BCR: variants seen among roughly 807,000 people sequenced by gnomAD.
BCR encodes breakpoint cluster region protein.
Under a neutral mutation model 138.6 loss-of-function variants are expected in BCR, and 58 were observed. The observed-to-expected ratio is 0.42, with a 90% CI of 0.34 to 0.52. The LOEUF is 0.52. Among genes scored for constraint, BCR ranks in the 20% least tolerant of loss-of-function variants. The pLI, the probability that BCR is intolerant of heterozygous loss-of-function variation, is 0.06. For synonymous variants in BCR, 786 were observed against 730.1 expected (o/e 1.08, Z -1.23); for missense variants, 1,599 against 1,727.2 (o/e 0.93, Z 1.32).
At chr22:23,290,028 C>T (rs886413716) in intron 13 of BCR, 17 of 521,558 alleles carry the variant, frequency 3.3e-5, no homozygotes, top group Middle Eastern at 5.3e-4. Context: ...ACACAGCATA[C>T]GCTATGCACA....
intron 14 of BCR, among the ~76,000 whole-genome samples, chr22:23,291,517 G>T (rs1229798292): frequency 6.6e-6 from 1 of 151,852 alleles, no homozygotes; most frequent in East Asian, 1.9e-4. Flanking sequence ...TTTCCCTCGT[G>T]GGCCTCCCTG....
intron 1 of BCR, among the ~76,000 whole-genome samples, chr22:23,195,186 C>T (rs1008545124): frequency 4.0e-5 from 6 of 151,778 alleles, no homozygotes; most frequent in African/African-American, 1.5e-4. Flanking sequence ...TTTGGGAGGC[C>T]GAGGCAGGCG....
chr22:23,261,324 C>A, intron 3 of BCR, 31 bp from the exon 4 acceptor site: 16 of 1,598,800 alleles, frequency 1.0e-5, no homozygotes, highest in Non-Finnish European at 1.4e-5. Context: ...GCCCCTCTCA[C>A]CTGTGCTACC....
chr22:23,276,367 C>T (rs2073575995), intron 8 of BCR, among the ~76,000 whole-genome samples: 1 of 151,202 alleles, frequency 6.6e-6, no homozygotes, highest in Non-Finnish European at 1.5e-5. Flanking sequence ...CCACTGCACT[C>T]CAGTCTGGGC....
chr22:23,181,791 G>C lies in BCR; in HGVS notation c.831G>C (p.Gln277His). 1.9e-6 allele frequency: 3 copies of C among 1,608,680 alleles called. No individual in the cohort carries two copies. The highest frequency in any genetic ancestry group is 2.5e-6 in the Non-Finnish European group (3 of 1,179,974). The change falls in exon 1 of 23, where the codon CAG becomes CAC. Residue 277 changes from glutamine to histidine, a missense_variant. Gln to His is a conservative substitution (Grantham distance 24, BLOSUM62 0). Around this residue, in one of 4 missense-constraint regions of BCR, gnomAD observed 806 missense variants for 635.0 expected, o/e 1.27. Coordinates refer to ENST00000305877, the MANE Select transcript of BCR (RefSeq NM_004327.4). ...CCCCTTGGCCGCCCCTGGAGTACCA[G>C]CCCTACCAGAGCATCTACGTCGGGG... The part of the protein sequence containing the change: ...SRPPWPPLEY[Q>H]PYQSIYVGGM...
chr22:23,253,279 T>C (rs1457707102), intron 1 of BCR, among the ~76,000 whole-genome samples: 1 of 152,172 alleles, frequency 6.6e-6, no homozygotes, highest in African/African-American at 2.4e-5. Flanking sequence ...GTAGGCATGA[T>C]TGATTACGTC....
At chr22:23,209,027 G>T (rs2072649665) in intron 1 of BCR, among the ~76,000 whole-genome samples, 1 of 152,060 alleles carries the variant, frequency 6.6e-6, no homozygotes, top group Non-Finnish European at 1.5e-5. Flanking sequence ...GTAACGTCAT[G>T]TCCTCAAGGT....
rs901374302 is a variant in BCR at position 23,315,734 on chromosome 22, G to T, written c.*212G>T. 6 of 649,274 alleles carry T rather than the reference G, an allele frequency of 9.2e-6. No homozygotes were observed. Among genetic ancestry groups the T allele is most frequent in the African/African-American group, 3.5e-5 (2 of 56,360 alleles). 40.2% of individuals were successfully genotyped at this position (649,274 alleles called of 1,614,324 possible). A position where few individuals can be genotyped will look rare whatever the true frequency, so the allele number is the denominator to read the frequency against. On this transcript the variant is annotated 3_prime_UTR_variant, in exon 23 of 23. Transcript: ENST00000305877. ...AGCCCCAGGCTGGCCTCAGACTGTG[G>T]TTTTTTATGTGGCCACCTGAGGGCG...
chr22:23,206,779 G>A (rs1191253934), intron 1 of BCR, among the ~76,000 whole-genome samples: 1 of 151,996 alleles, frequency 6.6e-6, no homozygotes, highest in African/African-American at 2.4e-5. Context: ...ATTCATCCAA[G>A]CCATCCATCT....
rs55814027 is a variant in BCR, at chr22:23,256,763, G to A, written c.1461+2783G>A. ...GTCCTGAAGCTCAGTTCCAGCTCCC[G>A]CCCTCAGTTCACCCGTGGGCCTGGT... On this transcript the variant is annotated intron_variant, in intron 2 of 22. Transcript: ENST00000305877. Among the ~76,000 whole-genome samples, 411 of 152,216 alleles carry A rather than the reference G, an allele frequency of 2.7e-3. 1 individual carries two copies. The highest frequency in any genetic ancestry group is 4.6e-3 in the Non-Finnish European group (311 of 68,004).
At chr22:23,207,663 T>C (rs1381410202) in intron 1 of BCR, among the ~76,000 whole-genome samples, 1 of 152,062 alleles carries the variant, frequency 6.6e-6, no homozygotes, top group African/African-American at 2.4e-5. Context: ...TAGGCCATTG[T>C]AGGGGAGGAG....
chr22:23,246,997 C>T (rs2073164768), intron 1 of BCR, among the ~76,000 whole-genome samples: 2 of 152,190 alleles, frequency 1.3e-5, no homozygotes, highest in East Asian at 1.9e-4. Context: ...GAGCCAGCTC[C>T]GACTGTGGAC....
intron 14 of BCR, 79 bp downstream of exon 14, chr22:23,290,492 T>C: frequency 7.0e-7 from 1 of 1,430,474 alleles, no homozygotes; most frequent in Non-Finnish European, 9.9e-7. Flanking sequence ...GGGCAGGGTG[T>C]GGGGAAACAG....
chr22:23,281,892 G>A (rs2073650047), intron 8 of BCR, among the ~76,000 whole-genome samples: 1 of 152,230 alleles, frequency 6.6e-6, no homozygotes, highest in Non-Finnish European at 1.5e-5. Flanking sequence ...GGCCGAGGGT[G>A]CCCCTTAGGT....
intron 10 of BCR, among the ~76,000 whole-genome samples, chr22:23,286,594 A>T (rs2073716826): frequency 6.6e-6 from 1 of 151,754 alleles, no homozygotes; most frequent in South Asian, 2.1e-4. Flanking sequence ...GGGGGATGGG[A>T]TGGGGTGGGG....
intron 1 of BCR, among the ~76,000 whole-genome samples, chr22:23,191,838 G>A (rs1489132957): frequency 6.6e-6 from 1 of 152,202 alleles, no homozygotes; most frequent in African/African-American, 2.4e-5. Context: ...GGGGCCTAGT[G>A]ATACAGGTGG....
chr22:23,287,376 C>T, intron 11 of BCR, 98 bp downstream of exon 11: 1 of 1,429,912 alleles, frequency 7.0e-7, no homozygotes, highest in South Asian at 1.5e-5. Flanking sequence ...GCGCCCCACT[C>T]TGAGAGAGGC....
intron 1 of BCR, among the ~76,000 whole-genome samples, chr22:23,250,094 G>A (rs765952050): frequency 3.9e-5 from 6 of 152,218 alleles, no homozygotes; most frequent in Admixed American, 6.5e-5. Flanking sequence ...AGGTTTTAGC[G>A]TGGACGTTGC....
intron 1 of BCR, among the ~76,000 whole-genome samples, chr22:23,208,868 A>G (rs2072647858): frequency 6.6e-6 from 1 of 151,796 alleles, no homozygotes; most frequent in Non-Finnish European, 1.5e-5. Flanking sequence ...ACAAACCAAA[A>G]AAAGCTTCTG....
Sources: gnomAD v4.1 joint callset for allele counts (sites outside exome capture counted in the v4.1 genomes callset) on GRCh38, gnomAD v4.1.1 for gene constraint, gnomAD v4.1.1 regional missense constraint, MANE v1.5 for transcripts, NCBI Gene and HGNC (gene_info 2026-07-23, HGNC 2026-07-21) for gene names.